The following ELMO1 variants were observed in gnomAD, a reference collection of about 807,000 sequenced individuals.
ELMO1 encodes the protein engulfment and cell motility 1.
ELMO1 carries 26 observed loss-of-function variants against 98.9 expected under a neutral mutation model. That is an observed-to-expected ratio of 0.26 (90% CI 0.19 to 0.36). ELMO1 has a LOEUF of 0.36. Ranked by LOEUF, ELMO1 falls within the 10% of genes least tolerant of loss-of-function variation. The pLI is 1.00. For missense variants in ELMO1, 627 were observed against 935.2 expected (o/e 0.67, Z 4.30); for synonymous variants, 346 against 346.0 (o/e 1.00, Z 0.00).
Position 37,213,440 on chromosome 7 carries a change from C to T in ELMO1, c.849G>A (p.Gln283=), listed in dbSNP as rs1176158410. The T allele has an allele frequency of 6.2e-7, 1 of 1,611,964 alleles. No individual in the cohort carries two copies. ...GCGCCATCTCATTGTTGATGGCCCG[C>T]TGGGCTCGGATGACATGCTAGGGAG... ...SIILTHVIRA[Q]RAINNEMAHQ... Residue 283 remains glutamine, a synonymous_variant, in exon 12 of 22, where the codon CAG becomes CAA. Coordinates refer to ENST00000310758, the MANE Select transcript of ELMO1 (RefSeq NM_014800.11).
At chr7:36,860,454 C>A (rs935337731) in intron 21 of ELMO1, among the ~76,000 whole-genome samples, 1 of 152,174 alleles carries the variant, frequency 6.6e-6, no homozygotes, top group Non-Finnish European at 1.5e-5. Flanking sequence ...TAAAAGTGTT[C>A]ACAAGCATAT....
chr7:37,295,402 GT>G lies in ELMO1; in HGVS notation c.192+19447del, dbSNP rs531027913. 1.5e-3 allele frequency among the ~76,000 whole-genome samples: 227 copies of G among 152,274 alleles called. 1 individual carries two copies. Among genetic ancestry groups the G allele is most frequent in the African/African-American group, 5.0e-3 (209 of 41,560 alleles). On this transcript the variant is annotated intron_variant, in intron 4 of 21. Coordinates refer to ENST00000310758, the MANE Select transcript of ELMO1 (RefSeq NM_014800.11). ...GTTTGAAATATTGTATGATTTAAAA[GT>G]TTTTAAATTACTACTTAAATGAATT...
chr7:37,030,371 C>T (rs184880077), intron 15 of ELMO1, among the ~76,000 whole-genome samples: 12 of 152,162 alleles, frequency 7.9e-5, no homozygotes, highest in Non-Finnish European at 4.4e-5. Flanking sequence ...TTCCTCTCCC[C>T]TGACAAATGC....
intron 16 of ELMO1, among the ~76,000 whole-genome samples, chr7:36,941,773 A>G (rs1787059761): frequency 6.6e-6 from 1 of 152,226 alleles, no homozygotes. Flanking sequence ...CAAAGGATTG[A>G]ACTCATCTTC....
chr7:37,134,642 A>G (rs1168942686), intron 13 of ELMO1, among the ~76,000 whole-genome samples: 1 of 152,186 alleles, frequency 6.6e-6, no homozygotes, highest in African/African-American at 2.4e-5. Flanking sequence ...TCACAATAGC[A>G]AAGATATAGA....
At chr7:37,402,069 G>C (rs191468912) in intron 1 of ELMO1, among the ~76,000 whole-genome samples, 5 of 152,208 alleles carry the variant, frequency 3.3e-5, no homozygotes, top group Middle Eastern at 3.2e-3. Context: ...GAAGACTCCT[G>C]TGGCACGTAA....
intron 13 of ELMO1, among the ~76,000 whole-genome samples, chr7:37,200,072 G>GT (rs1199226730): frequency 1.3e-5 from 2 of 152,072 alleles, no homozygotes; most frequent in South Asian, 4.2e-4. Flanking sequence ...GCTACAACTT[G>GT]TTTTTTATCC....
intron 10 of ELMO1, among the ~76,000 whole-genome samples, chr7:37,220,189 C>T (rs768116896): frequency 1.3e-5 from 2 of 152,168 alleles, no homozygotes; most frequent in Non-Finnish European, 2.9e-5. Flanking sequence ...AGAGCTATCT[C>T]GCTACTCACT....
At chr7:36,966,409 A>C (rs1357768645) in intron 16 of ELMO1, among the ~76,000 whole-genome samples, 1 of 152,198 alleles carries the variant, frequency 6.6e-6, no homozygotes, top group African/African-American at 2.4e-5. Context: ...GACTCCTAAA[A>C]ACTTGGCCTG....
chr7:37,044,607 C>G (rs73344395), intron 15 of ELMO1, among the ~76,000 whole-genome samples: 4,003 of 152,234 alleles, frequency 0.026, 155 homozygotes, highest in African/African-American at 0.085. Flanking sequence ...CTGTCTCCCC[C>G]TCCTATTCTT....
intron 15 of ELMO1, among the ~76,000 whole-genome samples, chr7:37,077,330 G>A (rs1373847749): frequency 1.3e-5 from 2 of 152,190 alleles, no homozygotes; most frequent in South Asian, 2.1e-4. Context: ...AATTGTACAA[G>A]CACAGGGATG....
intron 20 of ELMO1, chr7:36,862,097 T>G (rs977188717): frequency 1.2e-5 from 3 of 241,014 alleles, no homozygotes; most frequent in Non-Finnish European, 2.5e-5. Flanking sequence ...GCATCTCCCT[T>G]CCAGAGAGGC....
intron 15 of ELMO1, among the ~76,000 whole-genome samples, chr7:37,079,895 TTGA>T (rs1797774448): frequency 6.6e-6 from 1 of 152,222 alleles, no homozygotes; most frequent in Non-Finnish European, 1.5e-5. Flanking sequence ...CTATATACTG[TTGA>T]TGCTCAAAGT....
rs1161805108 is a variant in ELMO1, at chr7:36,996,271, CTGTT to C, written c.1437+17024_1437+17027del. On this transcript the variant is annotated intron_variant, in intron 16 of 21. Coordinates refer to ENST00000310758, the MANE Select transcript of ELMO1 (RefSeq NM_014800.11). The stretch of plus-strand genomic sequence containing the variant: ...TCAATGCCAAACTGAGTCCATAAGA[CTGTT>C]TGTTCTGTAGATTGCAAAGTTTGTC... 3.9e-5 allele frequency among the ~76,000 whole-genome samples: 6 copies of C among 152,238 alleles called. No homozygotes were observed. The East Asian group carries it at 5.8e-4, about 15-fold the overall frequency.
At chr7:36,985,128 C>T in intron 16 of ELMO1, 2 of 985,076 alleles carry the variant, frequency 2.0e-6, no homozygotes, top group East Asian at 1.1e-4. Flanking sequence ...AATTTCATCA[C>T]CAGTGTCAGA....
chr7:37,178,718 C>G (rs911959791), intron 13 of ELMO1, among the ~76,000 whole-genome samples: 3 of 152,132 alleles, frequency 2.0e-5, no homozygotes, highest in Admixed American at 6.5e-5. Context: ...CCTCCTCATA[C>G]GAGGTGGCAA....
chr7:37,380,242 CTT>C (rs1448432715), intron 1 of ELMO1, among the ~76,000 whole-genome samples: 1 of 152,158 alleles, frequency 6.6e-6, no homozygotes, highest in Non-Finnish European at 1.5e-5. Flanking sequence ...ATCCTGGTGG[CTT>C]TTTGAATGAC....
chr7:37,101,286 C>A (rs143042757), intron 14 of ELMO1, among the ~76,000 whole-genome samples: 1 of 152,078 alleles, frequency 6.6e-6, no homozygotes, highest in African/African-American at 2.4e-5. Context: ...AGGGCTCTCC[C>A]GCAGGAATGC....
chr7:37,359,303 T>C (rs937722906), intron 1 of ELMO1, among the ~76,000 whole-genome samples: 1 of 152,218 alleles, frequency 6.6e-6, no homozygotes, highest in Non-Finnish European at 1.5e-5. Context: ...CAACCACTGA[T>C]TGGACTCTGA....
Sources: allele counts gnomAD v4.1 joint callset (sites outside exome capture counted in the v4.1 genomes callset), GRCh38; gene constraint gnomAD v4.1.1; transcripts MANE v1.5; gene names NCBI Gene and HGNC (gene_info 2026-07-23, HGNC 2026-07-21).